The following CLASP1 variants were observed in gnomAD, a reference collection of about 807,000 sequenced individuals.
The protein encoded by CLASP1 is cytoplasmic linker associated protein 1.
Under a neutral mutation model 192.3 loss-of-function variants are expected in CLASP1, and 38 were observed. That is an observed-to-expected ratio of 0.20 (90% CI 0.15 to 0.26). The LOEUF (loss-of-function observed/expected upper bound fraction) is 0.26. Ranked by LOEUF, CLASP1 falls within the 10% of genes least tolerant of loss-of-function variation. The probability of loss-of-function intolerance (pLI) is 1.00; values close to 1 mark genes in which losing one functional copy is unlikely to be tolerated. For synonymous variants in CLASP1, 691 were observed against 712.8 expected, an observed-to-expected ratio of 0.97 and a Z score of 0.49; for missense variants, 1,433 against 1,932.5, an observed-to-expected ratio of 0.74 and a Z score of 4.85.
intron 2 of CLASP1, among the ~76,000 whole-genome samples, chr2:121,554,454 TAAAAAAA>T (rs56965310): frequency 2.9e-4 from 25 of 87,562 alleles, no homozygotes; most frequent in African/African-American, 1.1e-3. Flanking sequence ...CTACAAAAAG[TAAAAAAA>T]AAAAAAAAAA....
chr2:121,549,744 GCCTGTAATCCCAGCAC>G lies in CLASP1; in HGVS notation c.196-19435_196-19420del, dbSNP rs1187889851. 1.1e-4 allele frequency among the ~76,000 whole-genome samples: 17 copies of G among 148,812 alleles called. No individual in the cohort carries two copies. In the South Asian group the frequency reaches 3.6e-3, roughly 32 times the overall value. ...AAAAAGGCCTGGCGTGGTGGCTCAC[GCCTGTAATCCCAGCAC>G]TGTGGGAGGCAGAGGCGGGCAGATC... On this transcript the variant is annotated intron_variant, in intron 2 of 39. Coordinates refer to ENST00000263710, the Ensembl canonical transcript of CLASP1.
chr2:121,502,898 A>G (rs1243236635), intron 8 of CLASP1, among the ~76,000 whole-genome samples: 1 of 152,230 alleles, frequency 6.6e-6, no homozygotes, highest in Non-Finnish European at 1.5e-5. Flanking sequence ...GGAAGACAGC[A>G]GCAGTGATGA....
At chr2:121,566,219 C>T (rs1193277926) in intron 2 of CLASP1, among the ~76,000 whole-genome samples, 1 of 152,172 alleles carries the variant, frequency 6.6e-6, no homozygotes, top group Non-Finnish European at 1.5e-5. Flanking sequence ...GAAATGGGGA[C>T]GAAAGCAGTG....
At chr2:121,594,117 G>A (rs1327373369) in intron 2 of CLASP1, among the ~76,000 whole-genome samples, 5 of 151,636 alleles carry the variant, frequency 3.3e-5, no homozygotes, top group African/African-American at 9.7e-5. Flanking sequence ...TGGCTAACAC[G>A]GTGAAACCCC....
chr2:121,407,895 G>C, intron 24 of CLASP1, 180 bp from the exon 26 acceptor site: 1 of 809,450 alleles, frequency 1.2e-6, no homozygotes, highest in Non-Finnish European at 2.2e-6. Context: ...TTTTCCATTA[G>C]GTAAATAAGC....
At position 121,478,990 on chromosome 2, in the gene CLASP1, C is replaced by T. The variant is rs2092311596; in HGVS notation, c.713-9030G>A. On this transcript the variant is annotated intron_variant, in intron 8 of 39. Coordinates refer to ENST00000263710, the Ensembl canonical transcript of CLASP1. ...ACACACACCACACACACACCACACA[C>T]CCCACACACACACCACACACACACA... is the stretch of plus-strand genomic sequence containing the variant. Among the ~76,000 whole-genome samples, 2 of 94,170 alleles carry T rather than the reference C, an allele frequency of 2.1e-5. 1 individual carries two copies. The highest frequency in any genetic ancestry group is 9.3e-5 in the African/African-American group (2 of 21,480). The allele number at this position is 94,170 out of a possible 152,430, so 61.8% of individuals were successfully genotyped here.
rs540981952 is a variant in CLASP1, at chr2:121,353,792, G to A, written c.4207-5074C>T. ...CCATAGTGTGCGTGTGCACATGCAC[G>A]CACACACACACACACACAGATAGGG... is the stretch of plus-strand genomic sequence containing the variant. On this transcript the variant is annotated intron_variant, in intron 37 of 39. Transcript: ENST00000263710. Among the ~76,000 whole-genome samples, 109 of 150,442 alleles carry A rather than the reference G, an allele frequency of 7.2e-4. 1 individual carries two copies. In the East Asian group the frequency reaches 0.019, roughly 26 times the overall value.
chr2:121,353,794 A>G (rs952898879), intron 37 of CLASP1, among the ~76,000 whole-genome samples: 27 of 99,632 alleles, frequency 2.7e-4, no homozygotes, highest in Admixed American at 3.7e-4. Flanking sequence ...ACATGCACGC[A>G]CACACACACA....
Position 121,638,156 on chromosome 2 carries a change from G to A in CLASP1, c.-286+11216C>T, listed in dbSNP as rs539570839. Reference sequence around the variant, plus strand: ...CAATTTAAAAATAAGAAACAGACTTGAACAGACATTTCTCCAAAGAAGACA... The same window carrying A: ...CAATTTAAAAATAAGAAACAGACTTAAACAGACATTTCTCCAAAGAAGACA... On this transcript the variant is annotated intron_variant, in intron 1 of 39. Transcript: ENST00000263710. Among the ~76,000 whole-genome samples the A allele has an allele frequency of 3.9e-5, 6 of 151,974 alleles. No homozygotes were observed. In the South Asian group the frequency reaches 1.2e-3, roughly 32 times the overall value.
chr2:121,419,237 T>G (rs2079092367), intron 22 of CLASP1, among the ~76,000 whole-genome samples: 1 of 152,072 alleles, frequency 6.6e-6, no homozygotes, highest in African/African-American at 2.4e-5. Context: ...GGCTCACTGC[T>G]CCCAGGCTGG....
intron 37 of CLASP1, among the ~76,000 whole-genome samples, chr2:121,352,333 T>C (rs934588424): frequency 1.3e-5 from 2 of 152,228 alleles, no homozygotes; most frequent in Non-Finnish European, 2.9e-5. Flanking sequence ...ATGGACGGCA[T>C]TGACTCCATG....
intron 8 of CLASP1, among the ~76,000 whole-genome samples, chr2:121,498,196 AGTTT>A (rs2093609432): frequency 8.6e-6 from 1 of 116,952 alleles, no homozygotes; most frequent in Admixed American, 8.1e-5. Flanking sequence ...AATAGGTAAT[AGTTT>A]CTTTTTTTTT....
At chr2:121,607,574 T>C (rs1406723708) in intron 1 of CLASP1, among the ~76,000 whole-genome samples, 2 of 152,180 alleles carry the variant, frequency 1.3e-5, no homozygotes, top group East Asian at 3.8e-4. Flanking sequence ...ACAAATTTAT[T>C]TCTGACTTAC....
intron 32 of CLASP1, among the ~76,000 whole-genome samples, chr2:121,386,072 C>G (rs1273198457): frequency 6.6e-6 from 1 of 152,112 alleles, no homozygotes; most frequent in African/African-American, 2.4e-5. Flanking sequence ...GAGGAAAACA[C>G]AAATTTCTTA....
At chr2:121,539,597 T>C (rs986395318) in intron 2 of CLASP1, among the ~76,000 whole-genome samples, 3 of 152,018 alleles carry the variant, frequency 2.0e-5, no homozygotes, top group Non-Finnish European at 4.4e-5. Context: ...CAGGACACAA[T>C]AAACACAAAC....
chr2:121,531,552 C>T (rs9679440), intron 2 of CLASP1, among the ~76,000 whole-genome samples: 28,529 of 145,008 alleles, frequency 0.2, 5,285 homozygotes, highest in African/African-American at 0.49. Flanking sequence ...GCAGAGATCG[C>T]GCCACTGCAC....
At chr2:121,443,501 A>G (rs1309645721) in intron 19 of CLASP1, among the ~76,000 whole-genome samples, 1 of 152,222 alleles carries the variant, frequency 6.6e-6, no homozygotes, top group Non-Finnish European at 1.5e-5. Flanking sequence ...GGGCAGGAGA[A>G]ACATAAAATT....
intron 8 of CLASP1, among the ~76,000 whole-genome samples, chr2:121,502,839 A>G (rs777702226): frequency 8.5e-5 from 13 of 152,354 alleles, no homozygotes; most frequent in Non-Finnish European, 1.2e-4. Context: ...GATACTGTTT[A>G]GGAGGGAAAC....
intron 30 of CLASP1, among the ~76,000 whole-genome samples, chr2:121,390,023 T>C (rs2074070028): frequency 6.6e-6 from 1 of 152,198 alleles, no homozygotes; most frequent in African/African-American, 2.4e-5. Context: ...TATAGGCATA[T>C]GCCATAGTGC....
Sources: allele counts gnomAD v4.1 joint callset (sites outside exome capture counted in the v4.1 genomes callset), GRCh38; gene constraint gnomAD v4.1.1; transcripts MANE v1.5; gene names NCBI Gene and HGNC (gene_info 2026-07-23, HGNC 2026-07-21).